Variants in ZBTB7C observed in about 807,000 individuals in gnomAD.
The protein encoded by ZBTB7C is zinc finger and BTB domain containing 7C.
ZBTB7C carries 8 observed loss-of-function variants against 25.7 expected under a neutral mutation model. That is an observed-to-expected ratio of 0.31 (90% confidence interval 0.18 to 0.56). The LOEUF (loss-of-function observed/expected upper bound fraction) is 0.56. Among genes scored for constraint, ZBTB7C ranks in the 20% least tolerant of loss-of-function variants. The probability of loss-of-function intolerance (pLI) is 0.91; values close to 1 mark genes in which losing one functional copy is unlikely to be tolerated. For synonymous variants in ZBTB7C, 394 were observed against 369.0 expected (o/e 1.07, Z -0.78); for missense variants, 824 against 855.2 (o/e 0.96, Z 0.46).
At chr18:48,331,695 G>T (rs985846771) in intron 2 of ZBTB7C, among the ~76,000 whole-genome samples, 1 of 152,104 alleles carries the variant, frequency 6.6e-6, no homozygotes, top group Non-Finnish European at 1.5e-5. Context: ...TGACCCTACC[G>T]TATTCTATAC....
At chr18:48,317,975 T>TCCTTCCTCACCCCCTGCCC (rs553468939) in intron 2 of ZBTB7C, among the ~76,000 whole-genome samples, 1,569 of 152,056 alleles carry the variant, frequency 0.01, 9 homozygotes, top group Non-Finnish European at 0.015. Flanking sequence ...GACCCCTGCC[T>TCCTTCCTCACCCCCTGCCC]CCTTCCTCAC....
At chr18:48,297,148 A>G (rs1419072622) in intron 2 of ZBTB7C, among the ~76,000 whole-genome samples, 1 of 152,200 alleles carries the variant, frequency 6.6e-6, no homozygotes, top group Non-Finnish European at 1.5e-5. Context: ...CGCATGTTCT[A>G]GAGTGCTCTC....
chr18:48,160,687 C>T (rs2040981712), intron 3 of ZBTB7C, among the ~76,000 whole-genome samples: 1 of 152,194 alleles, frequency 6.6e-6, no homozygotes. Flanking sequence ...CTACCAATCT[C>T]CCCCTTGCCA....
intron 3 of ZBTB7C, among the ~76,000 whole-genome samples, chr18:48,047,936 C>T (rs540589228): frequency 6.6e-6 from 1 of 152,340 alleles, no homozygotes; most frequent in South Asian, 2.1e-4. Flanking sequence ...GCCACCCAGC[C>T]AGCCAATGTC....
intron 3 of ZBTB7C, among the ~76,000 whole-genome samples, chr18:48,100,689 G>A (rs1272321077): frequency 1.3e-5 from 2 of 152,146 alleles, no homozygotes; most frequent in Non-Finnish European, 2.9e-5. Context: ...TTCTATTTTA[G>A]TTAGACATTA....
intron 3 of ZBTB7C, among the ~76,000 whole-genome samples, chr18:48,164,955 T>C (rs2041193443): frequency 6.6e-6 from 1 of 152,222 alleles, no homozygotes; most frequent in Non-Finnish European, 1.5e-5. Context: ...GTCAAGTAGC[T>C]TGACTGAGGT....
intron 3 of ZBTB7C, among the ~76,000 whole-genome samples, chr18:48,126,752 G>T (rs1454226968): frequency 6.6e-6 from 1 of 152,174 alleles, no homozygotes. Context: ...CTTCAACCTG[G>T]TAGGGGCAAT....
intron 1 of ZBTB7C, among the ~76,000 whole-genome samples, chr18:48,396,229 TC>T: frequency 6.6e-6 from 1 of 152,220 alleles, no homozygotes; most frequent in South Asian, 2.1e-4. Context: ...CTCTGCTTTG[TC>T]ATTGTACCAC....
chr18:48,076,549 C>A (rs778562256), intron 3 of ZBTB7C, among the ~76,000 whole-genome samples: 3 of 152,158 alleles, frequency 2.0e-5, no homozygotes, highest in Admixed American at 1.3e-4. Flanking sequence ...CCCAAATATT[C>A]CCTGCTTTCC....
chr18:48,156,005 G>C (rs1295761833), intron 3 of ZBTB7C, among the ~76,000 whole-genome samples: 1 of 152,194 alleles, frequency 6.6e-6, no homozygotes, highest in Non-Finnish European at 1.5e-5. Context: ...GGTTACAAAA[G>C]AAGCTATTGG....
Position 48,223,622 on chromosome 18 carries a change from C to A in ZBTB7C, c.-78-37627G>T, listed in dbSNP as rs1162118460. 2.0e-5 allele frequency among the ~76,000 whole-genome samples: 3 copies of A among 152,132 alleles called. No individual in the cohort carries two copies. In the South Asian group the frequency reaches 6.2e-4, roughly 32 times the overall value. ...TAGGAGGGGTGAGGATGGTGTCCCA[C>A]CTTACTTCTTCAATGGGTTGGCCAT... is the stretch of plus-strand genomic sequence containing the variant. On this transcript the variant is annotated intron_variant, in intron 2 of 4. Transcript: ENST00000590800.
intron 1 of ZBTB7C, among the ~76,000 whole-genome samples, chr18:48,403,182 G>A (rs2048201075): frequency 6.6e-6 from 1 of 152,210 alleles, no homozygotes; most frequent in Non-Finnish European, 1.5e-5. Context: ...GCCCACCAAA[G>A]AAGTAAATAA....
At chr18:48,190,918 T>TA (rs1033404999) in intron 2 of ZBTB7C, among the ~76,000 whole-genome samples, 2 of 152,138 alleles carry the variant, frequency 1.3e-5, no homozygotes, top group Non-Finnish European at 2.9e-5. Flanking sequence ...GCACAGCACT[T>TA]ATAATCGGCA....
intron 2 of ZBTB7C, among the ~76,000 whole-genome samples, chr18:48,226,242 T>C (rs1290036226): frequency 1.3e-5 from 2 of 152,234 alleles, no homozygotes; most frequent in African/African-American, 2.4e-5. Flanking sequence ...TACATAGCAA[T>C]AGCTAACTGA....
rs149447084 is a variant in ZBTB7C at position 48,395,375 on chromosome 18, A to ATGTG, written c.-304+13847_-304+13850dup. On this transcript the variant is annotated intron_variant, in intron 1 of 4. Coordinates refer to ENST00000590800, the MANE Select transcript of ZBTB7C (RefSeq NM_001318841.2). Reference sequence around the variant, plus strand: ...ATGTGTGCATGTATGTTCTATTCAAATGTGTGTGTGTGTGTGTGTGTGTGT... The same window carrying ATGTG: ...ATGTGTGCATGTATGTTCTATTCAAATGTGTGTGTGTGTGTGTGTGTGTGTGTGT... 1.4e-3 allele frequency among the ~76,000 whole-genome samples: 112 copies of ATGTG among 82,764 alleles called. 2 individuals are homozygous for ATGTG. The highest frequency in any genetic ancestry group is 6.1e-3 in the Middle Eastern group (1 of 164). The allele number at this position is 82,764 out of a possible 152,430, so 54.3% of individuals were successfully genotyped here.
intron 3 of ZBTB7C, among the ~76,000 whole-genome samples, chr18:48,122,033 C>A (rs576421793): frequency 6.6e-6 from 1 of 152,304 alleles, no homozygotes; most frequent in East Asian, 1.9e-4. Flanking sequence ...AGGTTTCCTG[C>A]AGGTCTGGGG....
chr18:48,291,382 A>G (rs2045225155), intron 2 of ZBTB7C, among the ~76,000 whole-genome samples: 1 of 152,212 alleles, frequency 6.6e-6, no homozygotes. Flanking sequence ...TCAACAAAGC[A>G]GCAACAAAAA....
At chr18:48,130,543 G>A (rs1056925089) in intron 3 of ZBTB7C, among the ~76,000 whole-genome samples, 2 of 152,028 alleles carry the variant, frequency 1.3e-5, no homozygotes, top group Non-Finnish European at 2.9e-5. Flanking sequence ...ATCCTCCTCC[G>A]AGAAGTTGGG....
intron 3 of ZBTB7C, among the ~76,000 whole-genome samples, chr18:48,120,773 C>A (rs1024717727): frequency 7.9e-5 from 12 of 152,308 alleles, no homozygotes; most frequent in South Asian, 2.1e-4. Context: ...TCTGCACAAC[C>A]CCATTCACTT....
Sources: allele counts gnomAD v4.1 joint callset (sites outside exome capture counted in the v4.1 genomes callset), GRCh38; gene constraint gnomAD v4.1.1; transcripts MANE v1.5; gene names NCBI Gene and HGNC (gene_info 2026-07-23, HGNC 2026-07-21).